Variants in INPP5A observed in about 807,000 individuals in gnomAD.
INPP5A encodes the protein inositol polyphosphate-5-phosphatase A, also known as 43 kDa inositol polyphosphate 5-phophatase.
Under a neutral mutation model 65.2 loss-of-function variants are expected in INPP5A, and 14 were observed. That is an observed-to-expected ratio of 0.21 (90% confidence interval 0.14 to 0.34). INPP5A has a LOEUF of 0.34. Among genes scored for constraint, INPP5A ranks in the 10% least tolerant of loss-of-function variants. The pLI is 1.00. For synonymous variants in INPP5A, 207 were observed against 208.3 expected, an observed-to-expected ratio of 0.99 and a Z score of 0.05; for missense variants, 431 against 545.6, an observed-to-expected ratio of 0.79 and a Z score of 2.09.
intron 1 of INPP5A, among the ~76,000 whole-genome samples, chr10:132,573,164 G>T (rs1277608434): frequency 7.0e-5 from 10 of 143,374 alleles, no homozygotes; most frequent in African/African-American, 1.8e-4. Context: ...GCCGTGTGAG[G>T]TTTTGTTGCG....
chr10:132,782,205 AC>A lies in INPP5A; in HGVS notation c.*178del. ...GGACCATTCCGGAGCAGCCTCACAT[AC>A]CTCACTGTCTCGTCTGTCTATGTGA... On this transcript the variant is annotated 3_prime_UTR_variant, in exon 16 of 16. Transcript: ENST00000368594. The surrounding 1 kb of genome is among the most constrained non-coding windows in gnomAD (Gnocchi z 4.4). 1.2e-6 allele frequency: 1 copy of A among 866,938 alleles called. No homozygotes were observed. The highest frequency in any genetic ancestry group is 1.8e-6 in the Non-Finnish European group (1 of 558,866). 53.7% of individuals were successfully genotyped at this position (866,938 alleles called of 1,614,324 possible). A position where few individuals can be genotyped will look rare whatever the true frequency, so the allele number is the denominator to read the frequency against.
At chr10:132,738,213 G>A (rs1266971843) in intron 9 of INPP5A, among the ~76,000 whole-genome samples, 6 of 152,182 alleles carry the variant, frequency 3.9e-5, no homozygotes, top group Non-Finnish European at 7.3e-5. Context: ...GAAACCCATG[G>A]GAAAGGTAGG....
At chr10:132,736,642 G>T (rs1846182004) in intron 9 of INPP5A, among the ~76,000 whole-genome samples, 1 of 152,268 alleles carries the variant, frequency 6.6e-6, no homozygotes, top group African/African-American at 2.4e-5. Flanking sequence ...CTGCCGTTCA[G>T]TGGAGACCAT....
intron 9 of INPP5A, among the ~76,000 whole-genome samples, chr10:132,742,959 C>A (rs575135015): frequency 1.3e-5 from 2 of 152,216 alleles, no homozygotes; most frequent in East Asian, 3.9e-4. Context: ...TCGACCCAGC[C>A]GGCCTGCGCC....
intron 9 of INPP5A, among the ~76,000 whole-genome samples, chr10:132,729,244 G>T (rs1164691996): frequency 5.9e-5 from 9 of 152,204 alleles, no homozygotes; most frequent in Non-Finnish European, 1.3e-4. Context: ...CAGTGCAGGG[G>T]CCTCGGGAGC....
chr10:132,773,740 G>A (rs1004855725), intron 12 of INPP5A, among the ~76,000 whole-genome samples: 4 of 152,148 alleles, frequency 2.6e-5, no homozygotes, highest in Admixed American at 6.5e-5. Flanking sequence ...CTGGTCACCC[G>A]GAGAGCTTTT....
rs1453275012 is a variant in INPP5A, at chr10:132,575,780, C to T, written c.76-32135C>T. 1.3e-5 allele frequency among the ~76,000 whole-genome samples: 2 copies of T among 152,146 alleles called. No individual in the cohort carries two copies. Among genetic ancestry groups the T allele is most frequent in the Non-Finnish European group, 2.9e-5 (2 of 68,016 alleles). ...GGGCTCCCGCGTGGTGTGTGCGGCCCAGGGCCCTGGCAGTGGGGAGTGTGT... is the reference window on the plus strand; with the variant it reads ...GGGCTCCCGCGTGGTGTGTGCGGCCTAGGGCCCTGGCAGTGGGGAGTGTGT... On this transcript the variant is annotated intron_variant, in intron 1 of 15. Coordinates refer to ENST00000368594, the MANE Select transcript of INPP5A (RefSeq NM_005539.5). The surrounding 1 kb of genome is among the most constrained non-coding windows in gnomAD (Gnocchi z 5.4).
intron 12 of INPP5A, among the ~76,000 whole-genome samples, chr10:132,771,425 C>T (rs1393108597): frequency 6.6e-6 from 1 of 152,272 alleles, no homozygotes; most frequent in African/African-American, 2.4e-5. Flanking sequence ...GTTTTACCAC[C>T]TTGGGCAGCT....
Position 132,675,334 on chromosome 10 carries a change from A to G in INPP5A, c.307-15058A>G, listed in dbSNP as rs1017409990. Among the ~76,000 whole-genome samples, 5 of 152,234 alleles carry G rather than the reference A, an allele frequency of 3.3e-5. No homozygotes were observed. The highest frequency in any genetic ancestry group is 1.2e-4 in the African/African-American group (5 of 41,452). Reference sequence around the variant, plus strand: ...CATCTCCTAAGATTGAAGGTGAAATAGACATTTTAACTCAAATGAAAAACA... The same window carrying G: ...CATCTCCTAAGATTGAAGGTGAAATGGACATTTTAACTCAAATGAAAAACA... On this transcript the variant is annotated intron_variant, in intron 4 of 15. Coordinates refer to ENST00000368594, the MANE Select transcript of INPP5A (RefSeq NM_005539.5). The surrounding 1 kb of genome is among the most constrained non-coding windows in gnomAD (Gnocchi z 4.2).
At chr10:132,752,840 G>A (rs895910389) in intron 11 of INPP5A, among the ~76,000 whole-genome samples, 7 of 152,242 alleles carry the variant, frequency 4.6e-5, no homozygotes, top group East Asian at 1.9e-4. Context: ...CCACCATACC[G>A]TACAGTGTTT....
intron 2 of INPP5A, among the ~76,000 whole-genome samples, chr10:132,613,526 A>G (rs1180248495): frequency 6.6e-6 from 1 of 152,260 alleles, no homozygotes; most frequent in Non-Finnish European, 1.5e-5. Flanking sequence ...TCCTGGTTGC[A>G]AAACCAAATT....
rs1354881803 is a variant in INPP5A, at chr10:132,714,552, T to C, written c.647+4096T>C. Among the ~76,000 whole-genome samples, 3 of 152,264 alleles carry C rather than the reference T, an allele frequency of 2.0e-5. No homozygotes were observed. The East Asian group carries it at 5.8e-4, about 29-fold the overall frequency. On this transcript the variant is annotated intron_variant, in intron 8 of 15. Coordinates refer to ENST00000368594, the MANE Select transcript of INPP5A (RefSeq NM_005539.5). ...TCCTGGTTTAATCTCCCCGCGCGGCTTCCCAGGTCCATGTCCCGTATCAGC... is the reference window on the plus strand; with the variant it reads ...TCCTGGTTTAATCTCCCCGCGCGGCCTCCCAGGTCCATGTCCCGTATCAGC...
intron 1 of INPP5A, among the ~76,000 whole-genome samples, chr10:132,573,218 G>A (rs1344185926): frequency 7.6e-5 from 11 of 145,302 alleles, no homozygotes; most frequent in African/African-American, 2.6e-4. Flanking sequence ...TGAGATGTTG[G>A]GGTGTGTGTG....
chr10:132,711,206 C>G (rs1046255593), intron 8 of INPP5A, among the ~76,000 whole-genome samples: 6 of 152,222 alleles, frequency 3.9e-5, no homozygotes, highest in African/African-American at 1.4e-4. Context: ...CCCCTGCCCC[C>G]CAGTGCTCCG....
intron 11 of INPP5A, among the ~76,000 whole-genome samples, chr10:132,750,065 A>G (rs545933048): frequency 3.9e-4 from 60 of 152,322 alleles, no homozygotes; most frequent in African/African-American, 1.4e-3. Context: ...TGTCCTGTCC[A>G]CGGGCAGCAT....
chr10:132,763,308 CG>C (rs1565006843), intron 11 of INPP5A, among the ~76,000 whole-genome samples: 2 of 152,212 alleles, frequency 1.3e-5, no homozygotes, highest in Admixed American at 6.5e-5. Flanking sequence ...TGGCACCTAG[CG>C]CTGGCAGCCT....
At chr10:132,748,331 G>A (rs536132188) in intron 9 of INPP5A, among the ~76,000 whole-genome samples, 104 of 152,308 alleles carry the variant, frequency 6.8e-4, no homozygotes, top group African/African-American at 2.3e-3. Context: ...ATGCAGAAAC[G>A]CCGGTGCCTC....
intron 3 of INPP5A, among the ~76,000 whole-genome samples, chr10:132,648,313 C>T (rs2072526362): frequency 6.6e-6 from 1 of 152,282 alleles, no homozygotes; most frequent in South Asian, 2.1e-4. Flanking sequence ...GTGTGGCCCC[C>T]ACGGCCTTGT....
At chr10:132,736,743 C>G (rs1460539789) in intron 9 of INPP5A, among the ~76,000 whole-genome samples, 1 of 152,262 alleles carries the variant, frequency 6.6e-6, no homozygotes, top group Non-Finnish European at 1.5e-5. Flanking sequence ...GTCCTTCCTT[C>G]TAGTGTGCAC....
Sources: allele counts gnomAD v4.1 joint callset (sites outside exome capture counted in the v4.1 genomes callset), GRCh38; gene constraint gnomAD v4.1.1; non-coding constraint Gnocchi (gnomAD v3.1); transcripts MANE v1.5; gene names NCBI Gene and HGNC (gene_info 2026-07-23, HGNC 2026-07-21).